The following CNOT1 variants were observed in gnomAD, a reference collection of about 807,000 sequenced individuals.
CNOT1 encodes the protein CCR4-NOT transcription complex subunit 1.
In CNOT1, 15 loss-of-function variants were observed where a neutral mutation model predicts 273.8. That is an observed-to-expected ratio of 0.05 (90% confidence interval 0.04 to 0.08). The LOEUF (loss-of-function observed/expected upper bound fraction) is 0.08, where lower values mean the gene tolerates loss of function less well. Ranked by LOEUF, CNOT1 falls within the 10% of genes least tolerant of loss-of-function variation. The pLI is 1.00. For missense variants in CNOT1, 1,644 were observed against 2,912.2 expected, an observed-to-expected ratio of 0.56 and a Z score of 10.02; for synonymous variants, 1,022 against 1,005.5, an observed-to-expected ratio of 1.02 and a Z score of -0.31.
At chr16:58,601,735 A>T (rs942264458) in intron 1 of CNOT1, among the ~76,000 whole-genome samples, 1 of 24,722 alleles carries the variant, frequency 4.0e-5, no homozygotes, top group African/African-American at 2.9e-4. Context: ...TACCCACCTT[A>T]AAAAAAAAAA....
chr16:58,597,812 A>G (rs774214136), intron 2 of CNOT1: 9 of 448,036 alleles, frequency 2.0e-5, no homozygotes, highest in Admixed American at 1.5e-4. Context: ...CCAAAAGACA[A>G]CCCATGTGAA....
chr16:58,623,877 C>T (rs1019000995), intron 1 of CNOT1, among the ~76,000 whole-genome samples: 1 of 152,030 alleles, frequency 6.6e-6, no homozygotes, highest in Non-Finnish European at 1.5e-5. Context: ...ATAATCCCAG[C>T]TACTTGGGAG....
chr16:58,600,017 C>T (rs539219248), intron 1 of CNOT1, among the ~76,000 whole-genome samples: 18 of 151,796 alleles, frequency 1.2e-4, no homozygotes, highest in Admixed American at 9.9e-4. Flanking sequence ...CAGCTGAGAT[C>T]GCGCCATTGC....
rs1429302427 is a variant in CNOT1, at chr16:58,581,417, A to G, written c.1143T>C (p.Ile381=). 1 of 1,613,994 alleles carries G rather than the reference A, an allele frequency of 6.2e-7. No homozygotes were observed. The highest frequency in any genetic ancestry group is 8.5e-7 in the Non-Finnish European group (1 of 1,180,026). Residue 381 remains isoleucine, a synonymous_variant, in exon 11 of 49, where the codon ATT becomes ATC. Transcript: ENST00000317147. ...SKGLHNVVYG[I]QRGLGMEVFP... is the part of the protein sequence containing the mutation. ...ACACTTCCATACCCAAACCCCTCTG[A>G]ATGCCATAAACCACATTATGAAGTC...
chr16:58,599,632 A>C (rs1168382564), intron 1 of CNOT1, 121 bp from the exon 2 acceptor site: 2 of 459,076 alleles, frequency 4.4e-6, no homozygotes, highest in African/African-American at 3.9e-5. Flanking sequence ...ATTAATAATT[A>C]GAAGAGAATA....
chr16:58,579,338 C>T (rs981415212), intron 12 of CNOT1, among the ~76,000 whole-genome samples: 1 of 152,102 alleles, frequency 6.6e-6, no homozygotes, highest in African/African-American at 2.4e-5. Flanking sequence ...CTATGGACTG[C>T]GTCTGGATTC....
chr16:58,525,729 G>C (rs956839145), intron 45 of CNOT1, among the ~76,000 whole-genome samples: 1 of 152,182 alleles, frequency 6.6e-6, no homozygotes, highest in East Asian at 1.9e-4. Context: ...TCAGCATCCA[G>C]GTATTCAGAA....
At chr16:58,599,918 C>T (rs891196673) in intron 1 of CNOT1, among the ~76,000 whole-genome samples, 3 of 151,918 alleles carry the variant, frequency 2.0e-5, no homozygotes, top group East Asian at 1.9e-4. Flanking sequence ...CAAAAATTAG[C>T]CAGGCATGGT....
At chr16:58,609,401 CAAA>C (rs1160087614) in intron 1 of CNOT1, among the ~76,000 whole-genome samples, 1 of 151,574 alleles carries the variant, frequency 6.6e-6, no homozygotes, top group Non-Finnish European at 1.5e-5. Flanking sequence ...TACAAACAAA[CAAA>C]AAAACAAAAC....
At chr16:58,523,585 T>G in intron 46 of CNOT1, 83 bp from the exon 47 acceptor site, 3 of 1,310,750 alleles carry the variant, frequency 2.3e-6, no homozygotes, top group Non-Finnish European at 3.2e-6. Flanking sequence ...GGGTTTGGGT[T>G]TCTGACAGAG....
At chr16:58,597,599 G>A (rs1046901732) in intron 2 of CNOT1, 15 of 376,750 alleles carry the variant, frequency 4.0e-5, no homozygotes, top group African/African-American at 3.2e-4. Context: ...TCAGGTTTGT[G>A]TTTGGCACTT....
chr16:58,628,937 G>A (rs28644182), intron 1 of CNOT1, among the ~76,000 whole-genome samples: 6,907 of 152,322 alleles, frequency 0.045, 500 homozygotes, highest in African/African-American at 0.15. Context: ...TACAAGACCT[G>A]CCGTGGATCT....
At chr16:58,581,546 A>G (rs1222242342) in intron 10 of CNOT1, 31 bp from the exon 11 acceptor site, 21 of 1,581,074 alleles carry the variant, frequency 1.3e-5, no homozygotes, top group Non-Finnish European at 1.8e-5. Context: ...TTAAAATGTA[A>G]TGAATGTGTG....
At chr16:58,524,474 G>T (rs557551404) in intron 46 of CNOT1, among the ~76,000 whole-genome samples, 1 of 151,942 alleles carries the variant, frequency 6.6e-6, no homozygotes, top group Non-Finnish European at 1.5e-5. Context: ...CCGAGCTCTT[G>T]GACGTGATGG....
intron 16 of CNOT1, among the ~76,000 whole-genome samples, chr16:58,571,538 T>A (rs1228558747): frequency 6.6e-6 from 1 of 151,630 alleles, no homozygotes; most frequent in African/African-American, 2.4e-5. Flanking sequence ...CCAGCCTGGG[T>A]GACACAGCGA....
chr16:58,562,184 C>CA (rs71385174), intron 16 of CNOT1, among the ~76,000 whole-genome samples: 55,638 of 139,392 alleles, frequency 0.4, 11,625 homozygotes, highest in East Asian at 0.58. Flanking sequence ...GACTCCGTAT[C>CA]AAAAAAAAAA....
chr16:58,619,703 C>T (rs959675744), intron 1 of CNOT1, among the ~76,000 whole-genome samples: 1 of 151,986 alleles, frequency 6.6e-6, no homozygotes, highest in East Asian at 1.9e-4. Context: ...GGATTACAGG[C>T]GTGAGCCACC....
chr16:58,529,840 C>CAAAAA (rs58854069), intron 43 of CNOT1, among the ~76,000 whole-genome samples: 62 of 69,386 alleles, frequency 8.9e-4, no homozygotes, highest in African/African-American at 2.6e-3. Flanking sequence ...GACTCTGTCT[C>CAAAAA]AAAAAAAAAA....
intron 16 of CNOT1, among the ~76,000 whole-genome samples, chr16:58,566,761 G>A (rs961496189): frequency 6.6e-6 from 1 of 152,168 alleles, no homozygotes; most frequent in African/African-American, 2.4e-5. Context: ...TGCCTCCCGA[G>A]TAGCTGGGAT....
Sources: gnomAD v4.1 joint callset for allele counts (sites outside exome capture counted in the v4.1 genomes callset) on GRCh38, gnomAD v4.1.1 for gene constraint, MANE v1.5 for transcripts, NCBI Gene and HGNC (gene_info 2026-07-23, HGNC 2026-07-21) for gene names.